The following TM9SF4 variants were observed in gnomAD, a reference collection of about 807,000 sequenced individuals.
The protein encoded by TM9SF4 is transmembrane 9 superfamily member 4.
A neutral mutation model predicts 90.4 loss-of-function variants in TM9SF4; 26 were observed. That is an observed-to-expected ratio of 0.29 (90% confidence interval 0.21 to 0.40). The LOEUF (loss-of-function observed/expected upper bound fraction) is 0.40, where lower values mean the gene tolerates loss of function less well. Among genes scored for constraint, TM9SF4 ranks in the 10% least tolerant of loss-of-function variants. The pLI, the probability that TM9SF4 is intolerant of heterozygous loss-of-function variation, is 1.00. For synonymous variants in TM9SF4, 293 were observed against 315.4 expected, an observed-to-expected ratio of 0.93 and a Z score of 0.75; for missense variants, 549 against 834.8, an observed-to-expected ratio of 0.66 and a Z score of 4.22.
intron 16 of TM9SF4, chr20:32,160,949 C>CAAA (rs34767421): frequency 2.9e-4 from 12 of 41,674 alleles, no homozygotes; most frequent in Non-Finnish European, 3.6e-4. Flanking sequence ...GACTCCATCT[C>CAAA]AAAAAAAAAA....
intron 1 of TM9SF4, among the ~76,000 whole-genome samples, chr20:32,123,754 T>G (rs2122341410): frequency 6.7e-6 from 1 of 150,090 alleles, no homozygotes; most frequent in South Asian, 2.1e-4. Flanking sequence ...CTTCTAATAC[T>G]TCTATTTTAA....
At chr20:32,123,205 AGGGGGAG>A (rs1569053767) in intron 1 of TM9SF4, among the ~76,000 whole-genome samples, 1 of 630 alleles carries the variant, frequency 1.6e-3, no homozygotes, top group African/African-American at 4.4e-3. Context: ...GGGAGGGGGG[AGGGGGAG>A]GGGGGAGGGG....
At position 32,166,467 on chromosome 20, in the gene TM9SF4, G is replaced by A; in HGVS notation, c.*1023G>A. 6.6e-6 allele frequency: 1 copy of A among 152,430 alleles called. No individual in the cohort carries two copies. 9.4% of individuals were successfully genotyped at this position (152,430 alleles called of 1,614,324 possible). On this transcript the variant is annotated 3_prime_UTR_variant, in exon 18 of 18. Transcript: ENST00000398022. Reference sequence around the variant, plus strand: ...ACAGATCCCCTCCTGTAAGTGGCCAGGCATTCTCTCCCTGCCCTCTCTGGC... The same window carrying A: ...ACAGATCCCCTCCTGTAAGTGGCCAAGCATTCTCTCCCTGCCCTCTCTGGC...
intron 15 of TM9SF4, among the ~76,000 whole-genome samples, chr20:32,158,794 A>G (rs2046970111): frequency 6.6e-6 from 1 of 152,086 alleles, no homozygotes; most frequent in Admixed American, 6.5e-5. Flanking sequence ...CAGCCTGTCC[A>G]ATATGGTGAA....
chr20:32,150,951 C>T, intron 12 of TM9SF4, 76 bp downstream of exon 12: 2 of 1,559,072 alleles, frequency 1.3e-6, no homozygotes, highest in Non-Finnish European at 1.7e-6. Context: ...AGAAGGTAGG[C>T]AGGTCCTGGT....
At position 32,150,647 on chromosome 20, in the gene TM9SF4, G is replaced by T; in HGVS notation, c.1113G>T (p.Ser371=). The T allele has an allele frequency of 1.9e-6, 3 of 1,614,166 alleles. No individual in the cohort carries two copies. In the South Asian group the frequency reaches 3.3e-5, roughly 18 times the overall value. Residue 371 remains serine (S), a synonymous_variant, in exon 11 of 18, where the codon TCG becomes TCT. Transcript: ENST00000398022. ...VIFVAMLGML[S]PSSRGALMTT... is the part of the protein sequence containing the mutation. ...TTGTAGCCATGCTTGGGATGCTGTC[G>T]CCCTCCAGCCGGGGAGCTCTCATGA...
chr20:32,115,876 C>T (rs2295037), intron 1 of TM9SF4, among the ~76,000 whole-genome samples: 13,905 of 126,118 alleles, frequency 0.11, 1,396 homozygotes, highest in African/African-American at 0.29. Flanking sequence ...TGCAATGGTG[C>T]GATCTCAGCT....
intron 1 of TM9SF4, among the ~76,000 whole-genome samples, chr20:32,129,597 ATTTTTTTT>A (rs34093111): frequency 7.2e-6 from 1 of 139,656 alleles, no homozygotes; most frequent in Non-Finnish European, 1.6e-5. Context: ...TAAGTAGTGA[ATTTTTTTT>A]TTTTTTTTTT....
In TM9SF4 at chr20:32,141,772, T is replaced by C. The variant is rs1175413089; in HGVS notation, c.405T>C (p.Ala135=). The change falls in exon 5 of 18, where the codon GCT becomes GCC. Residue 135 remains alanine, a synonymous_variant. Coordinates refer to ENST00000398022, the MANE Select transcript of TM9SF4 (RefSeq NM_014742.4). ...ITEDYYVHLI[A]DNLPVATRLE... ...TGGGGCCTTCACTTTCCAGCATTGCTGACAACCTGCCTGTGGCCACCCGGC... is the reference window on the plus strand; with the variant it reads ...TGGGGCCTTCACTTTCCAGCATTGCCGACAACCTGCCTGTGGCCACCCGGC... The C allele has an allele frequency of 6.2e-7, 1 of 1,614,104 alleles. No homozygotes were observed. The highest frequency in any genetic ancestry group is 2.2e-5 in the East Asian group (1 of 44,868).
At chr20:32,122,022 C>CGG (rs1438364822) in intron 1 of TM9SF4, among the ~76,000 whole-genome samples, 1 of 140,330 alleles carries the variant, frequency 7.1e-6, no homozygotes, top group African/African-American at 2.7e-5. Flanking sequence ...GCTGGCCGGG[C>CGG]GGGGGGCTGA....
chr20:32,156,501 C>G (rs6087827), intron 13 of TM9SF4, among the ~76,000 whole-genome samples: 1 of 152,228 alleles, frequency 6.6e-6, no homozygotes, highest in African/African-American at 2.4e-5. Context: ...TACACACATC[C>G]TGTATATTCT....
At chr20:32,139,113 G>A (rs571049539) in intron 3 of TM9SF4, among the ~76,000 whole-genome samples, 2 of 152,288 alleles carry the variant, frequency 1.3e-5, no homozygotes, top group South Asian at 4.1e-4. Context: ...TCTCCTGAGT[G>A]CCTCCTCCAC....
chr20:32,126,354 T>C (rs1006484798), intron 1 of TM9SF4, among the ~76,000 whole-genome samples: 3 of 152,196 alleles, frequency 2.0e-5, no homozygotes, highest in African/African-American at 7.2e-5. Context: ...CACATTAAAC[T>C]TTAAGAAGCA....
chr20:32,146,755 TCTC>T (rs760239399), intron 8 of TM9SF4, 27 bp from the exon 9 acceptor site: 115 of 1,612,308 alleles, frequency 7.1e-5, no homozygotes, highest in Admixed American at 2.3e-4. Context: ...AGCGCCAACT[TCTC>T]CTCATCCTCA....
At chr20:32,165,167 A>G (rs6061203) in intron 17 of TM9SF4, 128 bp from the exon 18 acceptor site, 537,355 of 1,271,182 alleles carry the variant, frequency 0.42, 116,802 homozygotes, top group East Asian at 0.73. Context: ...CTTGCCACCC[A>G]CTGGAGCACG....
At chr20:32,112,781 G>C (rs1236613885) in intron 1 of TM9SF4, among the ~76,000 whole-genome samples, 31 of 151,992 alleles carry the variant, frequency 2.0e-4, no homozygotes. Context: ...GTGCCACCTG[G>C]GAGTGTTGTA....
At chr20:32,122,567 G>A (rs1191969938) in intron 1 of TM9SF4, among the ~76,000 whole-genome samples, 16 of 148,920 alleles carry the variant, frequency 1.1e-4, no homozygotes, top group African/African-American at 3.5e-4. Flanking sequence ...CATCCCAGAC[G>A]ATGGGCGGCT....
chr20:32,145,051 T>C (rs781444589), intron 6 of TM9SF4, 40 bp from the exon 7 acceptor site: 1 of 1,599,478 alleles, frequency 6.3e-7, no homozygotes, highest in Non-Finnish European at 8.6e-7. Context: ...GCAGTGGCAC[T>C]GGCCACCACA....
chr20:32,140,398 C>T lies in TM9SF4; in HGVS notation c.230-1099C>T, dbSNP rs528795856. ...CAGGTGCTGGATTTCACCCCACTCCCCTCCCTGCTGGAACCAGGATCTGAA... is the reference window on the plus strand; with the variant it reads ...CAGGTGCTGGATTTCACCCCACTCCTCTCCCTGCTGGAACCAGGATCTGAA... On this transcript the variant is annotated intron_variant, in intron 3 of 17. Coordinates refer to ENST00000398022, the MANE Select transcript of TM9SF4 (RefSeq NM_014742.4). Among the ~76,000 whole-genome samples the T allele has an allele frequency of 3.9e-5, 6 of 152,300 alleles. No individual in the cohort carries two copies. The East Asian group carries it at 9.6e-4, about 24-fold the overall frequency.
Sources: allele counts gnomAD v4.1 joint callset (sites outside exome capture counted in the v4.1 genomes callset), GRCh38; gene constraint gnomAD v4.1.1; transcripts MANE v1.5; gene names NCBI Gene and HGNC (gene_info 2026-07-23, HGNC 2026-07-21).